Variants in PPP6R3 observed in about 807,000 individuals in gnomAD.
PPP6R3 encodes protein phosphatase 6 regulatory subunit 3, also known as serine/threonine-protein phosphatase 6 regulatory subunit 3.
A neutral mutation model predicts 110.7 loss-of-function variants in PPP6R3; 38 were observed. That is an observed-to-expected ratio of 0.34 (90% CI 0.26 to 0.45). The LOEUF (loss-of-function observed/expected upper bound fraction) is 0.45. Ranked by LOEUF, PPP6R3 falls within the 20% of genes least tolerant of loss-of-function variation. The pLI is 1.00. For synonymous variants in PPP6R3, 369 were observed against 373.5 expected, an observed-to-expected ratio of 0.99 and a Z score of 0.14; for missense variants, 870 against 1,062.4, an observed-to-expected ratio of 0.82 and a Z score of 2.52.
At chr11:68,530,577 G>A (rs959824198) in intron 2 of PPP6R3, among the ~76,000 whole-genome samples, 2 of 152,080 alleles carry the variant, frequency 1.3e-5, no homozygotes, top group South Asian at 2.1e-4. Flanking sequence ...TATTCACTTC[G>A]GTGTTGCTAT....
intron 18 of PPP6R3, among the ~76,000 whole-genome samples, chr11:68,594,573 T>G (rs1400063156): frequency 1.3e-5 from 2 of 152,204 alleles, no homozygotes; most frequent in Non-Finnish European, 2.9e-5. Flanking sequence ...CTGAAAAGCC[T>G]AAAGCATAGC....
chr11:68,550,972 A>G, intron 5 of PPP6R3, 149 bp from the exon 6 acceptor site: 1 of 575,908 alleles, frequency 1.7e-6, no homozygotes, highest in Non-Finnish European at 3.0e-6. Context: ...TCCTTGGGGG[A>G]CTTTTAATTT....
At chr11:68,605,727 CTTATATCAATGAGAGATAGTCTAA>C (rs1420585376) in intron 22 of PPP6R3, among the ~76,000 whole-genome samples, 1 of 152,116 alleles carries the variant, frequency 6.6e-6, no homozygotes, top group East Asian at 1.9e-4. Context: ...TAGAAATAAC[CTTATATCAATGAGAGATAGTCTAA>C]TTTTTTTAAA....
At chr11:68,489,059 C>T (rs1488177880) in intron 1 of PPP6R3, among the ~76,000 whole-genome samples, 5 of 149,328 alleles carry the variant, frequency 3.3e-5, no homozygotes, top group Admixed American at 3.3e-4. Context: ...GCCTCTGTTG[C>T]ACAGGCTGGA....
intron 13 of PPP6R3, 84 bp from the exon 14 acceptor site, chr11:68,575,874 C>T (rs1284386757): frequency 4.0e-6 from 4 of 993,740 alleles, no homozygotes; most frequent in African/African-American, 3.3e-5. Flanking sequence ...TGAGTAGGCC[C>T]ACTTTTATAT....
In PPP6R3 at chr11:68,571,023, CTT is replaced by C. The variant is rs377099693; in HGVS notation, c.1279-5_1279-4del. The C allele has an allele frequency of 2.6e-4, 320 of 1,225,272 alleles. No homozygotes were observed. The highest frequency in any genetic ancestry group is 1.0e-3 in the Admixed American group (43 of 43,188). 75.9% of individuals were successfully genotyped at this position (1,225,272 alleles called of 1,614,324 possible). On this transcript the variant is annotated splice_polypyrimidine_tract_variant and intron_variant, in intron 11 of 23. Coordinates refer to ENST00000393800, the MANE Select transcript of PPP6R3 (RefSeq NM_001164161.2). ...GCTTTGAAGTATTAACTGGAATATT[CTT>C]TTTTTTTTTTTCAGCTTTTCCAAAA...
rs185377762 is a variant in PPP6R3, at chr11:68,555,656, A to G, written c.731+1399A>G. ...TTTGGACCCAATGTGTAACCTAGCCACCAGAGCCCATGTGCGCACTAGCTT... is the reference window on the plus strand; with the variant it reads ...TTTGGACCCAATGTGTAACCTAGCCGCCAGAGCCCATGTGCGCACTAGCTT... On this transcript the variant is annotated intron_variant, in intron 7 of 23. Coordinates refer to ENST00000393800, the MANE Select transcript of PPP6R3 (RefSeq NM_001164161.2). Among the ~76,000 whole-genome samples, 70 of 152,302 alleles carry G rather than the reference A, an allele frequency of 4.6e-4. 1 individual carries two copies. In the East Asian group the frequency reaches 0.012, roughly 26 times the overall value.
chr11:68,489,209 C>T (rs555940961), intron 1 of PPP6R3, among the ~76,000 whole-genome samples: 195 of 151,816 alleles, frequency 1.3e-3, no homozygotes, highest in African/African-American at 4.2e-3. Context: ...TTAGTAGAGA[C>T]GGGGTTTCAC....
At position 68,573,142 on chromosome 11, in the gene PPP6R3, ATATATATATAT is replaced by A. The variant is rs1565934892; in HGVS notation, c.1344-966_1344-956del. Among the ~76,000 whole-genome samples the A allele has an allele frequency of 2.2e-4, 22 of 98,458 alleles. 1 individual carries two copies. Among genetic ancestry groups the A allele is most frequent in the African/African-American group, 8.6e-4 (22 of 25,652 alleles). 64.6% of individuals were successfully genotyped at this position (98,458 alleles called of 152,430 possible). A position where few individuals can be genotyped will look rare whatever the true frequency, so the allele number is the denominator to read the frequency against. On this transcript the variant is annotated intron_variant, in intron 12 of 23. Transcript: ENST00000393800. ...TATATATATATATATATATATATAT[ATATATATATAT>A]AATTTTTTTTTTTTTGAGACGGAGT... is the stretch of plus-strand genomic sequence containing the variant.
intron 1 of PPP6R3, among the ~76,000 whole-genome samples, chr11:68,518,445 A>C (rs997151628): frequency 6.6e-6 from 1 of 152,204 alleles, no homozygotes; most frequent in Non-Finnish European, 1.5e-5. Context: ...GAAATTAAGG[A>C]AATAGGACTT....
chr11:68,537,981 C>G, intron 3 of PPP6R3, 90 bp downstream of exon 3: 1 of 993,780 alleles, frequency 1.0e-6, no homozygotes, highest in Non-Finnish European at 1.5e-6. Context: ...TCCAGTGTGA[C>G]TGTTGCCATT....
chr11:68,519,621 TTTC>T lies in PPP6R3; in HGVS notation c.-34_-32del, dbSNP rs1287365323. The stretch of plus-strand genomic sequence containing the variant: ...GCAAGGAGCCACAAAGAAGAAAACA[TTTC>T]TTTTAATTTTTAAACTTGGTTTGAA... On this transcript the variant is annotated 5_prime_UTR_variant, in exon 2 of 24. Coordinates refer to ENST00000393800, the MANE Select transcript of PPP6R3 (RefSeq NM_001164161.2). The T allele has an allele frequency of 2.5e-6, 1 of 398,438 alleles. No individual in the cohort carries two copies. The highest frequency in any genetic ancestry group is 2.1e-5 in the African/African-American group (1 of 48,614). 24.7% of individuals were successfully genotyped at this position (398,438 alleles called of 1,614,324 possible).
In PPP6R3 at chr11:68,548,120, C is replaced by T; in HGVS notation, c.468C>T (p.His156=). The part of the protein sequence containing the change: ...KHDFVDLIIK[H]IGTSAIMDLL... ...ATTTTGTAGACCTTATTATAAAGCA[C>T]ATAGGAACTTCTGCTATCATGGATT... Residue 156 remains histidine, a synonymous_variant, in exon 5 of 24, where the codon CAC becomes CAT. Transcript: ENST00000393800. The T allele has an allele frequency of 6.2e-7, 1 of 1,613,764 alleles. No individual in the cohort carries two copies. Among genetic ancestry groups the T allele is most frequent in the Non-Finnish European group, 8.5e-7 (1 of 1,179,654 alleles).
intron 22 of PPP6R3, chr11:68,609,520 G>A (rs777564475): frequency 7.1e-6 from 10 of 1,400,184 alleles, no homozygotes; most frequent in Middle Eastern, 1.7e-4. Flanking sequence ...ACGTGCAGTC[G>A]TGGACATATT....
chr11:68,538,375 G>C (rs918445472), intron 3 of PPP6R3, among the ~76,000 whole-genome samples: 1 of 152,164 alleles, frequency 6.6e-6, no homozygotes, highest in African/African-American at 2.4e-5. Flanking sequence ...CTTACAAAGA[G>C]AACGACAGTA....
chr11:68,556,163 C>T (rs1444485069), intron 7 of PPP6R3, among the ~76,000 whole-genome samples: 1 of 152,012 alleles, frequency 6.6e-6, no homozygotes, highest in African/African-American at 2.4e-5. Context: ...TATTATGATG[C>T]CAGGTAACCC....
intron 2 of PPP6R3, among the ~76,000 whole-genome samples, chr11:68,522,025 A>G (rs553067803): frequency 2.6e-5 from 4 of 152,308 alleles, no homozygotes; most frequent in African/African-American, 9.6e-5. Flanking sequence ...CACATTCTCT[A>G]TCAGTCCCCA....
At chr11:68,545,649 G>A (rs1297594533) in intron 4 of PPP6R3, among the ~76,000 whole-genome samples, 1 of 152,172 alleles carries the variant, frequency 6.6e-6, no homozygotes, top group Admixed American at 6.5e-5. Context: ...CTGAGAATTT[G>A]TTAGAAATGT....
rs1226684345 is a variant in PPP6R3 at position 68,567,031 on chromosome 11, C to T, written c.993C>T (p.Thr331=). The T allele has an allele frequency of 1.6e-5, 25 of 1,548,796 alleles. No homozygotes were observed. The highest frequency in any genetic ancestry group is 2.2e-5 in the Non-Finnish European group (25 of 1,146,068). ...TTCTTCAGAAAAGTGTGATGAAGACCACATGGGGTGTGCTGGATCCTCCTG... is the reference window on the plus strand; with the variant it reads ...TTCTTCAGAAAAGTGTGATGAAGACTACATGGGGTGTGCTGGATCCTCCTG... ...LEPPKKSVMK[T]TWGVLDPPVG... Residue 331 remains threonine (T), a synonymous_variant, in exon 10 of 24, where the codon ACC becomes ACT. Transcript: ENST00000393800.
Sources: gnomAD v4.1 joint callset for allele counts (sites outside exome capture counted in the v4.1 genomes callset) on GRCh38, gnomAD v4.1.1 for gene constraint, MANE v1.5 for transcripts, NCBI Gene and HGNC (gene_info 2026-07-23, HGNC 2026-07-21) for gene names.